WWOX: variants seen among roughly 807,000 people sequenced by gnomAD.
WWOX encodes WW domain containing oxidoreductase.
WWOX carries 69 observed loss-of-function variants against 46.2 expected under a neutral mutation model. The ratio of observed to expected loss-of-function variants is 1.49; its 90% CI spans 1.23 to 1.82. WWOX has a LOEUF of 1.82. Ranked by LOEUF, WWOX falls within the 40% of genes most tolerant of loss-of-function variation. The pLI is 0.00. For missense variants in WWOX, 919 were observed against 542.6 expected, an observed-to-expected ratio of 1.69 and a Z score of -6.89; for synonymous variants, 359 against 202.6, an observed-to-expected ratio of 1.77 and a Z score of -6.56.
intron 8 of WWOX, among the ~76,000 whole-genome samples, chr16:79,124,075 C>T (rs368403305): frequency 2.0e-5 from 3 of 151,648 alleles, no homozygotes; most frequent in African/African-American, 7.3e-5. Flanking sequence ...ACTCGGAGCA[C>T]TCGTGCTCTG....
intron 8 of WWOX, among the ~76,000 whole-genome samples, chr16:78,781,803 A>G (rs934654859): frequency 2.6e-5 from 4 of 152,190 alleles, no homozygotes; most frequent in South Asian, 4.1e-4. Flanking sequence ...AAAGACATGA[A>G]TATTTTCTTC....
At chr16:78,998,789 T>G (rs2047038946) in intron 8 of WWOX, among the ~76,000 whole-genome samples, 1 of 152,254 alleles carries the variant, frequency 6.6e-6, no homozygotes, top group Non-Finnish European at 1.5e-5. Context: ...AAAGTGCCAG[T>G]CTGATCCTTG....
intron 8 of WWOX, among the ~76,000 whole-genome samples, chr16:78,566,679 A>G (rs1303157042): frequency 1.3e-5 from 2 of 152,292 alleles, no homozygotes; most frequent in African/African-American, 4.8e-5. Flanking sequence ...AGGGCTCACA[A>G]CAGTGCAGTC....
intron 6 of WWOX, among the ~76,000 whole-genome samples, chr16:78,421,199 A>C (rs1217535802): frequency 1.3e-5 from 2 of 152,198 alleles, no homozygotes; most frequent in Non-Finnish European, 2.9e-5. Context: ...AAAACAACAG[A>C]ATTTTACTCT....
At chr16:78,814,773 C>T (rs562710021) in intron 8 of WWOX, among the ~76,000 whole-genome samples, 23 of 152,324 alleles carry the variant, frequency 1.5e-4, no homozygotes, top group African/African-American at 4.3e-4. Context: ...ACATTACAGC[C>T]AAGGCCTTCT....
intron 5 of WWOX, among the ~76,000 whole-genome samples, chr16:78,273,523 C>T (rs1424729627): frequency 6.6e-6 from 1 of 152,110 alleles, no homozygotes; most frequent in Non-Finnish European, 1.5e-5. Flanking sequence ...GAATTTAGAG[C>T]AGAGTTGTCG....
chr16:78,876,039 G>A (rs1285188402), intron 8 of WWOX, among the ~76,000 whole-genome samples: 1 of 152,020 alleles, frequency 6.6e-6, no homozygotes, highest in Non-Finnish European at 1.5e-5. Flanking sequence ...AGGCTCCATG[G>A]TACTATATAC....
intron 8 of WWOX, among the ~76,000 whole-genome samples, chr16:78,963,628 T>G (rs777349470): frequency 1.3e-5 from 2 of 152,190 alleles, no homozygotes; most frequent in Non-Finnish European, 2.9e-5. Context: ...TTAAAAATAA[T>G]TAAGGTGATG....
chr16:78,944,371 T>C (rs1375390270), intron 8 of WWOX, among the ~76,000 whole-genome samples: 1 of 152,204 alleles, frequency 6.6e-6, no homozygotes, highest in East Asian at 1.9e-4. Flanking sequence ...AGCTGTCTTA[T>C]CTTCAAGGTG....
intron 8 of WWOX, among the ~76,000 whole-genome samples, chr16:79,071,080 C>G (rs986781961): frequency 6.6e-6 from 1 of 152,216 alleles, no homozygotes; most frequent in Non-Finnish European, 1.5e-5. Flanking sequence ...CACTGACCTT[C>G]TCTTTTTATG....
intron 8 of WWOX, among the ~76,000 whole-genome samples, chr16:78,592,984 T>G (rs2045386510): frequency 6.6e-6 from 1 of 152,152 alleles, no homozygotes; most frequent in South Asian, 2.1e-4. Flanking sequence ...GGTGATTTAG[T>G]TGCTTGAGCA....
chr16:78,348,815 A>C (rs1463671487), intron 5 of WWOX, among the ~76,000 whole-genome samples: 1 of 120,826 alleles, frequency 8.3e-6, no homozygotes, highest in Admixed American at 8.1e-5. Flanking sequence ...TATAAGCAAA[A>C]TACAAGAGAA....
intron 8 of WWOX, among the ~76,000 whole-genome samples, chr16:79,027,664 A>T (rs2047673038): frequency 6.6e-6 from 1 of 151,904 alleles, no homozygotes; most frequent in South Asian, 2.1e-4. Context: ...AGCTTTGCAA[A>T]GGTGGAACAC....
At chr16:78,671,012 G>A (rs2047450050) in intron 8 of WWOX, among the ~76,000 whole-genome samples, 1 of 151,982 alleles carries the variant, frequency 6.6e-6, no homozygotes, top group South Asian at 2.1e-4. Context: ...CAAGGCTGTG[G>A]CTACACCAGA....
At chr16:79,021,300 A>G (rs1184183057) in intron 8 of WWOX, among the ~76,000 whole-genome samples, 3 of 152,154 alleles carry the variant, frequency 2.0e-5, no homozygotes, top group African/African-American at 7.2e-5. Flanking sequence ...CGCAGGATGC[A>G]AGATTAGCGA....
intron 8 of WWOX, among the ~76,000 whole-genome samples, chr16:78,840,835 A>C (rs1251101882): frequency 6.6e-6 from 1 of 152,028 alleles, no homozygotes; most frequent in Non-Finnish European, 1.5e-5. Flanking sequence ...TGTTTCTTAT[A>C]AATTGGTAAT....
chr16:78,251,215 C>G (rs1178921583), intron 5 of WWOX, among the ~76,000 whole-genome samples: 1 of 152,078 alleles, frequency 6.6e-6, no homozygotes, highest in African/African-American at 2.4e-5. Flanking sequence ...GAGGAGGAAG[C>G]CTACTTTTGT....
At chr16:78,441,334 A>G (rs1005366950) in intron 8 of WWOX, among the ~76,000 whole-genome samples, 1 of 152,224 alleles carries the variant, frequency 6.6e-6, no homozygotes, top group African/African-American at 2.4e-5. Flanking sequence ...TTTGTAAATG[A>G]ATACATGAAA....
chr16:78,801,270 G>A (rs775701653), intron 8 of WWOX, among the ~76,000 whole-genome samples: 5 of 152,106 alleles, frequency 3.3e-5, no homozygotes, highest in Non-Finnish European at 7.4e-5. Flanking sequence ...AGCTCTTTGG[G>A]AGGCCAACGC....
Sources: gnomAD v4.1 joint callset for allele counts (sites outside exome capture counted in the v4.1 genomes callset) on GRCh38, gnomAD v4.1.1 for gene constraint, MANE v1.5 for transcripts, NCBI Gene and HGNC (gene_info 2026-07-23, HGNC 2026-07-21) for gene names.